Variants in HMSD observed in about 807,000 individuals in gnomAD.
HMSD encodes histocompatibility minor serpin domain containing.
HMSD carries 13 observed loss-of-function variants against 10.0 expected under a neutral mutation model. The ratio of observed to expected loss-of-function variants is 1.31; its 90% CI spans 0.85 to 2.08. HMSD has a LOEUF of 2.08. HMSD is among the 30% of genes most tolerant of loss of function. HMSD has a pLI of 0.00. For missense variants in HMSD, 169 were observed against 166.3 expected, an observed-to-expected ratio of 1.02 and a Z score of -0.09; for synonymous variants, 51 against 54.2, an observed-to-expected ratio of 0.94 and a Z score of 0.26.
At chr18:63,968,066 T>A (rs906318914) in intron 3 of HMSD, 3 of 152,260 alleles carry the variant, frequency 2.0e-5, no homozygotes, top group African/African-American at 4.8e-5. Context: ...CATCTTTGAT[T>A]CTTCCTGCTC....
At chr18:63,967,265 C>T (rs570710152) in intron 3 of HMSD, among the ~76,000 whole-genome samples, 1 of 152,290 alleles carries the variant, frequency 6.6e-6, no homozygotes, top group South Asian at 2.1e-4. Context: ...CCCCTAGTAG[C>T]TGGGGTTACA....
intron 3 of HMSD, among the ~76,000 whole-genome samples, chr18:63,967,637 G>A (rs2050416006): frequency 6.6e-6 from 1 of 152,152 alleles, no homozygotes. Flanking sequence ...AGGAGCCGAG[G>A]GAGTCAGACA....
At chr18:63,965,760 G>A (rs1366483951), downstream of HMSD, among the ~76,000 whole-genome samples, 1 of 152,202 alleles carries the variant, frequency 6.6e-6, no homozygotes, top group African/African-American at 2.4e-5. Flanking sequence ...AGGCTGGGTA[G>A]TTTATAAAGA....
At chr18:63,963,073 CTT>C (rs1373367812), downstream of HMSD, among the ~76,000 whole-genome samples, 1 of 6,740 alleles carries the variant, frequency 1.5e-4, no homozygotes, top group Non-Finnish European at 4.6e-4. Flanking sequence ...TTTTCTTTCT[CTT>C]TCTTTCTTTC....
At chr18:63,954,681 C>A in intron 3 of HMSD, 124 bp downstream of exon 3, 2 of 731,232 alleles carry the variant, frequency 2.7e-6, no homozygotes, top group Non-Finnish European at 2.3e-6. Context: ...GAATCTCACA[C>A]GCATCTTGTG....
chr18:63,950,547 G>A (rs1366691520), intron 1 of HMSD, among the ~76,000 whole-genome samples: 1 of 151,754 alleles, frequency 6.6e-6, no homozygotes, highest in African/African-American at 2.4e-5. Flanking sequence ...GTGACTATAG[G>A]CACCTAGGTT....
In HMSD at chr18:63,957,264, A is replaced by G. The variant is rs180772101; in HGVS notation, c.222+2707A>G. Among the ~76,000 whole-genome samples the G allele has an allele frequency of 1.7e-4, 26 of 152,236 alleles. No homozygotes were observed. The East Asian group carries it at 4.6e-3, about 27-fold the overall frequency. On this transcript the variant is annotated intron_variant, in intron 3 of 3. Transcript: ENST00000408945. ...AAGAATCTGAGATGGAATATTTACAACATATGCGATAGGGAAGGGTTAATA... is the reference window on the plus strand; with the variant it reads ...AAGAATCTGAGATGGAATATTTACAGCATATGCGATAGGGAAGGGTTAATA...
chr18:63,962,233 C>T (rs73482165), downstream of HMSD, among the ~76,000 whole-genome samples: 156 of 152,280 alleles, frequency 1.0e-3, no homozygotes, highest in African/African-American at 3.6e-3. Context: ...TAGCTAGCAA[C>T]GAGGTAGAAT....
At chr18:63,954,285 T>C (rs2050346001) in intron 2 of HMSD, 123 bp from the exon 3 acceptor site, 2 of 708,848 alleles carry the variant, frequency 2.8e-6, no homozygotes, top group African/African-American at 1.8e-5. Context: ...TTTATTAGAT[T>C]GATCATCTTT....
In HMSD at chr18:63,954,652, A is replaced by C. The variant is rs188421799; in HGVS notation, c.222+95A>C. On this transcript the variant is annotated intron_variant, in intron 3 of 3. Transcript: ENST00000408945. The stretch of plus-strand genomic sequence containing the variant: ...CTATGAATTCCTGCAGGTGGTCCTG[A>C]ACTCAGAACTCCACGCACGAATCTC... 1.9e-5 allele frequency: 19 copies of C among 1,018,362 alleles called. No homozygotes were observed. The Admixed American group carries it at 3.8e-4, about 20-fold the overall frequency. The allele number at this position is 1,018,362 out of a possible 1,614,324, so 63.1% of individuals were successfully genotyped here. A position where few individuals can be genotyped will look rare whatever the true frequency, so the allele number is the denominator to read the frequency against.
chr18:63,963,067 C>CT (rs2050393383), downstream of HMSD, among the ~76,000 whole-genome samples: 1 of 102,400 alleles, frequency 9.8e-6, no homozygotes, highest in Non-Finnish European at 1.8e-5. Flanking sequence ...TCTTTCTTTT[C>CT]TTTCTCTTTC....
chr18:63,969,350 G>T (rs1253282348), intron 3 of HMSD: 1 of 152,198 alleles, frequency 6.6e-6, no homozygotes, highest in African/African-American at 2.4e-5. Context: ...CAATAGGTTG[G>T]CATGGATCAG....
chr18:63,965,675 G>C (rs1338302459), downstream of HMSD, among the ~76,000 whole-genome samples: 1 of 152,178 alleles, frequency 6.6e-6, no homozygotes, highest in Non-Finnish European at 1.5e-5. Flanking sequence ...GCTTACATTT[G>C]TCTTGGTAAC....
At position 63,960,286 on chromosome 18, in the gene HMSD, A is replaced by G; in HGVS notation, c.351A>G (p.Ile117Met). 1 of 1,611,546 alleles carries G rather than the reference A, an allele frequency of 6.2e-7. No homozygotes were observed. Among genetic ancestry groups the G allele is most frequent in the Non-Finnish European group, 8.5e-7 (1 of 1,178,726 alleles). ...WVADKTKGEN[I>M]LLFYFDNILN... The stretch of plus-strand genomic sequence containing the variant: ...CTGATAAAACTAAAGGTGAAAATAT[A>G]TTGTTATTCTATTTCGATAATATTT... Residue 117 changes from isoleucine (I) to methionine (M), a missense_variant, in exon 4 of 4, where the codon ATA becomes ATG. By Grantham distance (10) the Ile-to-Met change is conservative (BLOSUM62 1). Coordinates refer to ENST00000408945, the MANE Select transcript of HMSD (RefSeq NM_001123366.2).
At chr18:63,966,812 A>C (rs2050411685), downstream of HMSD, 1 of 152,182 alleles carries the variant, frequency 6.6e-6, no homozygotes, top group Non-Finnish European at 1.5e-5. Flanking sequence ...TCTTCTGTGA[A>C]TTCTTCATGG....
At chr18:63,959,895 T>C (rs1393251166) in intron 3 of HMSD, among the ~76,000 whole-genome samples, 1 of 152,236 alleles carries the variant, frequency 6.6e-6, no homozygotes, top group Non-Finnish European at 1.5e-5. Context: ...ATCTCATTGA[T>C]GGGTGTACTG....
intron 3 of HMSD, among the ~76,000 whole-genome samples, chr18:63,956,165 A>G (rs1197704197): frequency 6.6e-6 from 1 of 152,196 alleles, no homozygotes; most frequent in Non-Finnish European, 1.5e-5. Flanking sequence ...GGATTTGGCA[A>G]ATATTTTATG....
At chr18:63,954,204 T>A (rs905576396) in intron 2 of HMSD, among the ~76,000 whole-genome samples, 7 of 152,232 alleles carry the variant, frequency 4.6e-5, no homozygotes, top group African/African-American at 1.4e-4. Flanking sequence ...TCTTTTAGGA[T>A]GTGCTTATAG....
intron 1 of HMSD, among the ~76,000 whole-genome samples, chr18:63,950,024 A>G (rs1449159888): frequency 6.6e-6 from 1 of 152,224 alleles, no homozygotes; most frequent in Non-Finnish European, 1.5e-5. Flanking sequence ...CCAGTAGACA[A>G]GTTGTGAGAA....
Sources: gnomAD v4.1 joint callset for allele counts (sites outside exome capture counted in the v4.1 genomes callset) on GRCh38, gnomAD v4.1.1 for gene constraint, MANE v1.5 for transcripts, NCBI Gene and HGNC (gene_info 2026-07-23, HGNC 2026-07-21) for gene names.